SPECC1: variants seen among roughly 807,000 people sequenced by gnomAD.
SPECC1 encodes cytospin-B.
SPECC1 carries 62 observed loss-of-function variants against 104.1 expected under a neutral mutation model. That is an observed-to-expected ratio of 0.60 (90% confidence interval 0.49 to 0.74). The LOEUF is 0.74. SPECC1 is among the 30% of genes least tolerant of loss of function. The pLI, the probability that SPECC1 is intolerant of heterozygous loss-of-function variation, is 0.00. For missense variants in SPECC1, 1,306 were observed against 1,310.5 expected, an observed-to-expected ratio of 1.00 and a Z score of 0.05; for synonymous variants, 513 against 501.6, an observed-to-expected ratio of 1.02 and a Z score of -0.30.
intron 3 of SPECC1, among the ~76,000 whole-genome samples, chr17:20,190,433 C>T (rs1196403830): frequency 6.6e-6 from 1 of 151,898 alleles, no homozygotes; most frequent in Non-Finnish European, 1.5e-5. Flanking sequence ...ATTTCTTGTC[C>T]CTCTTCTCAA....
chr17:20,224,023 A>T (rs2038059679), intron 4 of SPECC1, among the ~76,000 whole-genome samples: 1 of 152,220 alleles, frequency 6.6e-6, no homozygotes, highest in Admixed American at 6.5e-5. Context: ...TTAGGATCTA[A>T]GCCTTTGGTC....
chr17:20,039,453 T>A lies in SPECC1; in HGVS notation c.-22+30029T>A, dbSNP rs537615816. On this transcript the variant is annotated intron_variant, in intron 1 of 14. Transcript: ENST00000395527. ...GAAATTTTCTTTTCTCTGAAGTCTA[T>A]TTTATGTTATTAATATAGCCACTCC... Among the ~76,000 whole-genome samples the A allele has an allele frequency of 4.5e-3, 693 of 152,342 alleles. 5 individuals are homozygous for A. Among genetic ancestry groups the A allele is most frequent in the African/African-American group, 0.016 (666 of 41,584 alleles).
intron 3 of SPECC1, among the ~76,000 whole-genome samples, chr17:20,132,620 T>C (rs1347997001): frequency 6.6e-6 from 1 of 151,782 alleles, no homozygotes; most frequent in Admixed American, 6.6e-5. Context: ...CTAATTGTTA[T>C]AGGGCTACTC....
chr17:20,041,850 C>T (rs755737151), intron 1 of SPECC1, among the ~76,000 whole-genome samples: 15 of 151,872 alleles, frequency 9.9e-5, no homozygotes, highest in Non-Finnish European at 2.1e-4. Flanking sequence ...TGGTCTCGAT[C>T]TCCTGATCTT....
At chr17:20,255,357 C>A (rs944730171) in intron 10 of SPECC1, among the ~76,000 whole-genome samples, 1 of 152,160 alleles carries the variant, frequency 6.6e-6, no homozygotes, top group African/African-American at 2.4e-5. Context: ...TCACCATCTC[C>A]GTGCTTGCTG....
intron 13 of SPECC1, among the ~76,000 whole-genome samples, chr17:20,303,097 A>G (rs926090367): frequency 7.9e-5 from 12 of 152,164 alleles, no homozygotes; most frequent in Non-Finnish European, 1.6e-4. Flanking sequence ...GCTGGAGCCA[A>G]AAATTGGGGT....
In SPECC1 at chr17:20,204,869, A is replaced by G. The variant is rs1331242313; in HGVS notation, c.820A>G (p.Ser274Gly). 1 of 1,614,038 alleles carries G rather than the reference A, an allele frequency of 6.2e-7. No homozygotes were observed. Among genetic ancestry groups the G allele is most frequent in the East Asian group, 2.2e-5 (1 of 44,886 alleles). ...EGAASHTGDS[S>G]CPTSITQESS... ...GGCAGCAAGTCACACTGGCGACAGC[A>G]GCTGCCCAACATCCATAACTCAAGA... Residue 274 changes from serine (S) to glycine (G), a missense_variant, in exon 4 of 15, where the codon AGC becomes GGC. By Grantham distance (56) the Ser-to-Gly change is moderately conservative (BLOSUM62 0). Coordinates refer to ENST00000395527, the MANE Select transcript of SPECC1 (RefSeq NM_001243439.2).
rs1456200837 is a variant in SPECC1 at position 20,079,692 on chromosome 17, G to A, written c.-21-16939G>A. ...CCAGTCTGAGCTGGCAGTGTGCTAG[G>A]CCCTAGGGAGACAAGGGTGAGCAAA... is the stretch of plus-strand genomic sequence containing the variant. On this transcript the variant is annotated intron_variant, in intron 1 of 14. Coordinates refer to ENST00000395527, the MANE Select transcript of SPECC1 (RefSeq NM_001243439.2). 5.3e-5 allele frequency among the ~76,000 whole-genome samples: 8 copies of A among 152,142 alleles called. No individual in the cohort carries two copies. In the East Asian group the frequency reaches 1.5e-3, roughly 29 times the overall value.
chr17:20,222,022 T>G (rs1031724010), intron 4 of SPECC1, among the ~76,000 whole-genome samples: 6 of 151,852 alleles, frequency 4.0e-5, no homozygotes, highest in African/African-American at 1.2e-4. Flanking sequence ...TTCAGTTTTT[T>G]TTTTTTTTTT....
chr17:20,219,930 G>T (rs1361847751), intron 4 of SPECC1, among the ~76,000 whole-genome samples: 10 of 152,090 alleles, frequency 6.6e-5, no homozygotes, highest in African/African-American at 2.4e-4. Context: ...TTACTGAAGA[G>T]ACTGTCTTTT....
chr17:20,283,822 C>T (rs187119380), intron 12 of SPECC1, among the ~76,000 whole-genome samples: 8 of 152,128 alleles, frequency 5.3e-5, no homozygotes, highest in South Asian at 4.1e-4. Context: ...CCCCTGGCCT[C>T]GAGCGATCCA....
chr17:20,158,280 C>T (rs146168418), intron 3 of SPECC1, among the ~76,000 whole-genome samples: 249 of 152,290 alleles, frequency 1.6e-3, no homozygotes, highest in African/African-American at 5.6e-3. Flanking sequence ...GATAGCAGCA[C>T]ACAAGCCTGA....
At chr17:20,153,627 G>C (rs982522012) in intron 3 of SPECC1, among the ~76,000 whole-genome samples, 4 of 152,210 alleles carry the variant, frequency 2.6e-5, no homozygotes, top group Non-Finnish European at 5.9e-5. Flanking sequence ...TGGGAGGTGA[G>C]AGAGCCATAG....
chr17:20,104,247 C>T (rs2048079737), intron 2 of SPECC1, among the ~76,000 whole-genome samples: 1 of 152,114 alleles, frequency 6.6e-6, no homozygotes, highest in Non-Finnish European at 1.5e-5. Flanking sequence ...AGTGCAGGAT[C>T]GTGAAGGCAT....
intron 3 of SPECC1, among the ~76,000 whole-genome samples, chr17:20,141,307 T>A (rs1279481028): frequency 6.6e-6 from 1 of 152,144 alleles, no homozygotes; most frequent in Non-Finnish European, 1.5e-5. Context: ...TGAACCCAGC[T>A]CACTGGACCT....
At chr17:20,226,639 GATT>G (rs2038224219) in intron 4 of SPECC1, among the ~76,000 whole-genome samples, 1 of 152,144 alleles carries the variant, frequency 6.6e-6, no homozygotes, top group South Asian at 2.1e-4. Context: ...TTTGGTGCAT[GATT>G]ATTATTTTTG....
chr17:20,101,375 G>A (rs1597701672), intron 2 of SPECC1, among the ~76,000 whole-genome samples: 3 of 152,174 alleles, frequency 2.0e-5, no homozygotes. Flanking sequence ...GCGTGAGATG[G>A]TATCTCATTA....
chr17:20,066,044 T>C (rs2152476041), intron 1 of SPECC1, among the ~76,000 whole-genome samples: 1 of 152,344 alleles, frequency 6.6e-6, no homozygotes. Context: ...CATAACAACA[T>C]ACCATCAGAT....
At chr17:20,150,147 G>A (rs1036069956) in intron 3 of SPECC1, among the ~76,000 whole-genome samples, 2 of 150,184 alleles carry the variant, frequency 1.3e-5, no homozygotes, top group South Asian at 4.2e-4. Context: ...TAATTTTTTT[G>A]TATTTTTTTT....
Sources: allele counts gnomAD v4.1 joint callset (sites outside exome capture counted in the v4.1 genomes callset), GRCh38; gene constraint gnomAD v4.1.1; transcripts MANE v1.5; gene names NCBI Gene and HGNC (gene_info 2026-07-23, HGNC 2026-07-21).